The following BFSP2 variants were observed in gnomAD, a reference collection of about 807,000 sequenced individuals.
The protein encoded by BFSP2 is beaded filament structural protein 2.
A neutral mutation model predicts 44.9 loss-of-function variants in BFSP2; 38 were observed. The ratio of observed to expected loss-of-function variants is 0.85; its 90% CI spans 0.65 to 1.11. The LOEUF is 1.11. Among genes scored for constraint, BFSP2 ranks in the 50% least tolerant of loss-of-function variants. The pLI is 0.00. For synonymous variants in BFSP2, 197 were observed against 209.9 expected (o/e 0.94, Z 0.53); for missense variants, 525 against 533.0 (o/e 0.99, Z 0.15).
intron 4 of BFSP2, among the ~76,000 whole-genome samples, chr3:133,457,216 C>G (rs2074020126): frequency 6.6e-6 from 1 of 152,202 alleles, no homozygotes; most frequent in South Asian, 2.1e-4. Context: ...CCTGAGGGCT[C>G]TTCAGTGAAA....
intron 5 of BFSP2, among the ~76,000 whole-genome samples, chr3:133,471,706 C>T (rs749408951): frequency 5.3e-5 from 8 of 152,048 alleles, no homozygotes; most frequent in Non-Finnish European, 1.0e-4. Flanking sequence ...GGAAAAAAAG[C>T]GGGCTCAGGG....
At chr3:133,460,969 T>C (rs915471280) in intron 4 of BFSP2, among the ~76,000 whole-genome samples, 1 of 152,258 alleles carries the variant, frequency 6.6e-6, no homozygotes, top group Non-Finnish European at 1.5e-5. Flanking sequence ...ACAGCTCATC[T>C]GGATACATGA....
At chr3:133,427,437 G>A (rs1005223380) in intron 1 of BFSP2, among the ~76,000 whole-genome samples, 1 of 152,192 alleles carries the variant, frequency 6.6e-6, no homozygotes, top group Non-Finnish European at 1.5e-5. Context: ...GCAGAGCCAG[G>A]ACTTGAACCT....
intron 4 of BFSP2, chr3:133,455,282 C>T (rs2074003461): frequency 6.6e-6 from 1 of 152,186 alleles, no homozygotes; most frequent in Non-Finnish European, 1.5e-5. Context: ...GGTTTGTTTA[C>T]ACTGCATCAT....
Position 133,472,389 on chromosome 3 carries a change from T to G in BFSP2, c.1068T>G (p.His356Gln), listed in dbSNP as rs747598156. 3 of 1,614,002 alleles carry G rather than the reference T, an allele frequency of 1.9e-6. No homozygotes were observed. The highest frequency in any genetic ancestry group is 1.1e-5 in the South Asian group (1 of 91,082). ...ENTLHDAKHWHDMELQNLGAV... is the reference protein window; with the variant it reads ...ENTLHDAKHWQDMELQNLGAV... ...CCTTGCACGATGCCAAGCACTGGCA[T>G]GACATGGAGCTCCAGAACCTGGGCG... The change falls in exon 6 of 7, where the codon CAT (histidine) becomes CAG (glutamine). Residue 356 changes from histidine to glutamine, a missense_variant. Transcript: ENST00000302334.
intron 6 of BFSP2, among the ~76,000 whole-genome samples, chr3:133,474,573 C>T (rs2074197632): frequency 6.6e-6 from 1 of 151,800 alleles, no homozygotes; most frequent in Non-Finnish European, 1.5e-5. Context: ...TTTTCAGATG[C>T]CTATGAGCAT....
At chr3:133,447,286 T>C in intron 1 of BFSP2, 31 bp from the exon 2 acceptor site, 1 of 1,612,496 alleles carries the variant, frequency 6.2e-7, no homozygotes, top group Non-Finnish European at 8.5e-7. Flanking sequence ...CCCAGTGACC[T>C]TGTCTCCTTT....
intron 1 of BFSP2, among the ~76,000 whole-genome samples, chr3:133,433,086 A>G (rs1031250932): frequency 1.3e-5 from 2 of 151,712 alleles, no homozygotes; most frequent in Non-Finnish European, 1.5e-5. Flanking sequence ...AGCTGTACTC[A>G]CTCTTTGTTA....
Position 133,472,522 on chromosome 3 carries a change from G to A in BFSP2, c.1201G>A (p.Asp401Asn). 1 of 1,612,834 alleles carries A rather than the reference G, an allele frequency of 6.2e-7. No homozygotes were observed. The highest frequency in any genetic ancestry group is 8.5e-7 in the Non-Finnish European group (1 of 1,180,010). Residue 401 changes from aspartate (D) to asparagine (N), a missense_variant, in exon 6 of 7, where the codon GAC becomes AAC. Coordinates refer to ENST00000302334, the MANE Select transcript of BFSP2 (RefSeq NM_003571.4). ...LLARKCQLQK[D>N]VASYHALLDR... ...GGCCCGCAAGTGCCAGCTGCAGAAG[G>A]ACGTGGCGTCCTACCACGCCCTGCT... is the stretch of plus-strand genomic sequence containing the variant.
chr3:133,454,365 T>G (rs566428588), intron 4 of BFSP2, among the ~76,000 whole-genome samples: 3 of 152,160 alleles, frequency 2.0e-5, no homozygotes, highest in African/African-American at 4.8e-5. Context: ...CCTATGCTCT[T>G]ACAAAATGCT....
At chr3:133,428,464 G>C (rs1474141642) in intron 1 of BFSP2, among the ~76,000 whole-genome samples, 1 of 128,620 alleles carries the variant, frequency 7.8e-6, no homozygotes, top group Non-Finnish European at 1.6e-5. Context: ...GGAACGTGGG[G>C]ACACAAAAAA....
At chr3:133,466,488 T>C (rs981254983) in intron 4 of BFSP2, among the ~76,000 whole-genome samples, 35 of 151,662 alleles carry the variant, frequency 2.3e-4, no homozygotes, top group African/African-American at 7.7e-4. Flanking sequence ...AAGACCAGCC[T>C]GACCAACATG....
At chr3:133,407,816 C>T (rs1308862753) in intron 1 of BFSP2, among the ~76,000 whole-genome samples, 1 of 152,034 alleles carries the variant, frequency 6.6e-6, no homozygotes, top group Non-Finnish European at 1.5e-5. Flanking sequence ...ATTCAGACAA[C>T]TAGATAGTCA....
chr3:133,403,131 C>T (rs2073375637), intron 1 of BFSP2, among the ~76,000 whole-genome samples: 1 of 152,132 alleles, frequency 6.6e-6, no homozygotes, highest in Non-Finnish European at 1.5e-5. Flanking sequence ...GGAAAGGCCA[C>T]CTCCCAGCCC....
intron 5 of BFSP2, among the ~76,000 whole-genome samples, chr3:133,467,338 T>C (rs1270513106): frequency 6.6e-6 from 1 of 152,198 alleles, no homozygotes; most frequent in Non-Finnish European, 1.5e-5. Flanking sequence ...GCTTTAAAAT[T>C]AAAAGCCCAG....
At chr3:133,432,757 C>T (rs373213592) in intron 1 of BFSP2, among the ~76,000 whole-genome samples, 1 of 152,172 alleles carries the variant, frequency 6.6e-6, no homozygotes, top group African/African-American at 2.4e-5. Context: ...CCCTGCCGAT[C>T]GTGTCCGACT....
intron 1 of BFSP2, among the ~76,000 whole-genome samples, chr3:133,403,993 G>C (rs996639704): frequency 3.6e-5 from 3 of 83,050 alleles, no homozygotes; most frequent in Non-Finnish European, 6.4e-5. Flanking sequence ...GTCCTGGGGA[G>C]GGGGGAATCT....
chr3:133,473,438 C>CAAAAAAA (rs748691333), intron 6 of BFSP2, among the ~76,000 whole-genome samples: 5 of 73,098 alleles, frequency 6.8e-5, no homozygotes, highest in Non-Finnish European at 7.5e-5. Context: ...GAGGCAGCAG[C>CAAAAAAA]AAAAAAAAAA....
In BFSP2 at chr3:133,450,099, A is replaced by T. The variant is rs972202632; in HGVS notation, c.730-204A>T. Among the ~76,000 whole-genome samples the T allele has an allele frequency of 2.2e-4, 33 of 151,602 alleles. 1 individual carries two copies. The highest frequency in any genetic ancestry group is 1.6e-4 in the Non-Finnish European group (11 of 67,916). The stretch of plus-strand genomic sequence containing the variant: ...AAGGAAGGAAGGAAGGGAGGGAGAG[A>T]GGGAGAAATGCATCCTTGGGAAAAG... On this transcript the variant is annotated intron_variant, in intron 3 of 6. Transcript: ENST00000302334.
Sources: allele counts gnomAD v4.1 joint callset (sites outside exome capture counted in the v4.1 genomes callset), GRCh38; gene constraint gnomAD v4.1.1; transcripts MANE v1.5; gene names NCBI Gene and HGNC (gene_info 2026-07-23, HGNC 2026-07-21).